The following RIMS2 variants were observed in gnomAD, a reference collection of about 807,000 sequenced individuals.
RIMS2 encodes regulating synaptic membrane exocytosis protein 2.
A neutral mutation model predicts 174.4 loss-of-function variants in RIMS2; 59 were observed. That is an observed-to-expected ratio of 0.34 (90% CI 0.27 to 0.42). The LOEUF is 0.42. Among genes scored for constraint, RIMS2 ranks in the 10% least tolerant of loss-of-function variants. The pLI is 1.00. For missense variants in RIMS2, 1,620 were observed against 1,666.3 expected (o/e 0.97, Z 0.48); for synonymous variants, 606 against 572.5 (o/e 1.06, Z -0.84).
At chr8:103,924,279 T>C (rs1409199545) in intron 10 of RIMS2, among the ~76,000 whole-genome samples, 1 of 151,748 alleles carries the variant, frequency 6.6e-6, no homozygotes, top group East Asian at 1.9e-4. Context: ...TGTTAAGTTT[T>C]GACCCCCACA....
chr8:103,528,451 C>T (rs954632486), intron 1 of RIMS2, among the ~76,000 whole-genome samples: 1 of 152,152 alleles, frequency 6.6e-6, no homozygotes, highest in African/African-American at 2.4e-5. Context: ...GTGTTTTAGA[C>T]ATGAAGTCCT....
chr8:103,925,841 C>G (rs1275419130), intron 10 of RIMS2, among the ~76,000 whole-genome samples: 3 of 151,452 alleles, frequency 2.0e-5, no homozygotes, highest in Non-Finnish European at 4.4e-5. Flanking sequence ...GGTGATTCCA[C>G]AGAATTCTGA....
chr8:104,053,894 T>C (rs1297027774), intron 19 of RIMS2, among the ~76,000 whole-genome samples: 1 of 152,058 alleles, frequency 6.6e-6, no homozygotes, highest in Non-Finnish European at 1.5e-5. Flanking sequence ...GAGAATATTA[T>C]GAGAGACCAA....
chr8:103,982,472 G>A (rs1596343381), intron 16 of RIMS2, among the ~76,000 whole-genome samples: 2 of 137,098 alleles, frequency 1.5e-5, no homozygotes, highest in African/African-American at 2.8e-5. Flanking sequence ...TATCTCTAAT[G>A]AATATTGATG....
chr8:104,213,175 T>G (rs928887818), intron 19 of RIMS2, among the ~76,000 whole-genome samples: 2 of 151,976 alleles, frequency 1.3e-5, no homozygotes, highest in Admixed American at 6.6e-5. Flanking sequence ...AGTCAGGCAT[T>G]GTGGCACATA....
intron 19 of RIMS2, among the ~76,000 whole-genome samples, chr8:104,113,655 A>G (rs939560396): frequency 9.2e-5 from 14 of 151,932 alleles, no homozygotes; most frequent in Admixed American, 7.9e-4. Context: ...GACTATATAT[A>G]TAAAGTAACT....
chr8:104,212,362 T>C (rs765364772), intron 19 of RIMS2, among the ~76,000 whole-genome samples: 2 of 152,122 alleles, frequency 1.3e-5, no homozygotes, highest in African/African-American at 2.4e-5. Context: ...AGCCAAGGGT[T>C]TTTTTAAGAG....
chr8:103,568,872 A>G, intron 1 of RIMS2: 1 of 1,156,292 alleles, frequency 8.6e-7, no homozygotes, highest in Non-Finnish European at 1.3e-6. Context: ...TGCTGTCTGA[A>G]TATTATTAAA....
rs902243432 is a variant in RIMS2 at position 103,695,483 on chromosome 8, A to G, written c.177-1603A>G. On this transcript the variant is annotated intron_variant, in intron 1 of 23. Transcript: ENST00000504942. Reference sequence around the variant, plus strand: ...GACACATTTTATTTTTAATATGAGCATTTATTTCTTTGTCTAGGTCTCTTT... The same window carrying G: ...GACACATTTTATTTTTAATATGAGCGTTTATTTCTTTGTCTAGGTCTCTTT... 7.3e-5 allele frequency among the ~76,000 whole-genome samples: 11 copies of G among 151,680 alleles called. No individual in the cohort carries two copies. In the East Asian group the frequency reaches 1.5e-3, roughly 21 times the overall value.
chr8:103,947,496 G>GT (rs2084085378), intron 14 of RIMS2, among the ~76,000 whole-genome samples: 1 of 152,140 alleles, frequency 6.6e-6, no homozygotes, highest in Admixed American at 6.5e-5. Flanking sequence ...CTACAAACCT[G>GT]TACGAGCATG....
chr8:103,838,965 T>C (rs1385056808), intron 3 of RIMS2, among the ~76,000 whole-genome samples: 2 of 152,052 alleles, frequency 1.3e-5, no homozygotes, highest in Non-Finnish European at 2.9e-5. Context: ...CTGGGGAGGC[T>C]GAGGCAAGAG....
chr8:103,757,433 G>T (rs951210532), intron 2 of RIMS2, among the ~76,000 whole-genome samples: 3 of 151,882 alleles, frequency 2.0e-5, no homozygotes, highest in Admixed American at 2.0e-4. Context: ...GTCATGGTAG[G>T]TTCGTCTTTA....
intron 19 of RIMS2, among the ~76,000 whole-genome samples, chr8:104,074,279 A>T (rs75840858): frequency 3.4e-3 from 521 of 152,166 alleles, no homozygotes; most frequent in Non-Finnish European, 5.8e-3. Context: ...GGTCAAGTGG[A>T]CTCTGCCTGG....
In RIMS2 at chr8:103,753,213, T is replaced by G. The variant is rs553664499; in HGVS notation, c.388-13014T>G. On this transcript the variant is annotated intron_variant, in intron 2 of 23. Transcript: ENST00000504942. ...ATAATCATGTGGTTTTTGTCTTTGG[T>G]TCTGTTTATATGCTGGATTACATTT... Among the ~76,000 whole-genome samples the G allele has an allele frequency of 2.0e-5, 3 of 152,292 alleles. No homozygotes were observed. The South Asian group carries it at 6.2e-4, about 32-fold the overall frequency.
chr8:103,944,455 A>T (rs2083249826), intron 14 of RIMS2, among the ~76,000 whole-genome samples: 1 of 152,064 alleles, frequency 6.6e-6, no homozygotes, highest in Non-Finnish European at 1.5e-5. Flanking sequence ...AACACTTGCC[A>T]GCATCTTCTT....
chr8:103,660,142 A>T (rs1314576241), intron 1 of RIMS2, among the ~76,000 whole-genome samples: 2 of 152,102 alleles, frequency 1.3e-5, no homozygotes, highest in African/African-American at 4.8e-5. Context: ...CACGTCAATT[A>T]CCTGGATGTT....
chr8:103,672,274 A>G (rs1376180083), intron 1 of RIMS2, among the ~76,000 whole-genome samples: 1 of 152,052 alleles, frequency 6.6e-6, no homozygotes, highest in Non-Finnish European at 1.5e-5. Flanking sequence ...TATTAATATT[A>G]TATGCAAATC....
chr8:103,897,744 TC>T (rs1170485642), intron 4 of RIMS2, among the ~76,000 whole-genome samples: 1 of 151,696 alleles, frequency 6.6e-6, no homozygotes. Context: ...ATGGCCTTGT[TC>T]CAGAACAAGT....
chr8:103,976,105 G>C (rs201129444), intron 16 of RIMS2: 1 of 152,124 alleles, frequency 6.6e-6, no homozygotes, highest in African/African-American at 2.4e-5. Context: ...AAGTTGACAC[G>C]TAATGTTAAT....
Sources: gnomAD v4.1 joint callset for allele counts (sites outside exome capture counted in the v4.1 genomes callset) on GRCh38, gnomAD v4.1.1 for gene constraint, MANE v1.5 for transcripts, NCBI Gene and HGNC (gene_info 2026-07-23, HGNC 2026-07-21) for gene names.